MTMR3: variants seen among roughly 807,000 people sequenced by gnomAD.
MTMR3 encodes the protein phosphatidylinositol-3,5-bisphosphate 3-phosphatase MTMR3.
Under a neutral mutation model 132.4 loss-of-function variants are expected in MTMR3, and 32 were observed. The ratio of observed to expected loss-of-function variants is 0.24; its 90% confidence interval spans 0.18 to 0.32. The LOEUF (loss-of-function observed/expected upper bound fraction) is 0.32. MTMR3 is among the 10% of genes least tolerant of loss of function. The probability of loss-of-function intolerance (pLI) is 1.00; values close to 1 mark genes in which losing one functional copy is unlikely to be tolerated. For synonymous variants in MTMR3, 556 were observed against 550.3 expected (o/e 1.01, Z -0.14); for missense variants, 1,216 against 1,489.6 (o/e 0.82, Z 3.02).
At chr22:30,025,371 A>G in intron 19 of MTMR3, 1 of 519,270 alleles carries the variant, frequency 1.9e-6, no homozygotes, top group Non-Finnish European at 3.5e-6. Flanking sequence ...TCTTTTGTAT[A>G]CCTGAGCAGC....
At chr22:30,022,196 T>G (rs2067777182) in intron 18 of MTMR3, 57 bp downstream of exon 18, 1 of 1,386,950 alleles carries the variant, frequency 7.2e-7, no homozygotes, top group South Asian at 1.2e-5. Context: ...GTGGTTCTTC[T>G]CCACCCCCAT....
intron 3 of MTMR3, among the ~76,000 whole-genome samples, chr22:29,975,459 A>G (rs1303911713): frequency 6.6e-6 from 1 of 152,220 alleles, no homozygotes; most frequent in Non-Finnish European, 1.5e-5. Flanking sequence ...GTCCGTTACA[A>G]TGTTTTCTTT....
chr22:29,961,286 G>A (rs1167135676), intron 2 of MTMR3, among the ~76,000 whole-genome samples: 2 of 152,050 alleles, frequency 1.3e-5, no homozygotes, highest in South Asian at 2.1e-4. Context: ...TGGTTGTTGC[G>A]GCTTTTTTGG....
chr22:29,931,050 T>A (rs571038799), intron 1 of MTMR3, among the ~76,000 whole-genome samples: 1 of 151,586 alleles, frequency 6.6e-6, no homozygotes, highest in East Asian at 1.9e-4. Context: ...ATGACCTAAC[T>A]TTGAGAGTGG....
intron 1 of MTMR3, among the ~76,000 whole-genome samples, chr22:29,921,664 C>T (rs2065416295): frequency 6.6e-6 from 1 of 152,138 alleles, no homozygotes; most frequent in Admixed American, 6.5e-5. Flanking sequence ...TCTGTACTTA[C>T]TAAACACTAA....
chr22:29,923,989 T>C (rs1018355558), intron 1 of MTMR3, among the ~76,000 whole-genome samples: 1 of 152,220 alleles, frequency 6.6e-6, no homozygotes, highest in Non-Finnish European at 1.5e-5. Context: ...TTCTGTGAGT[T>C]GCCTTTTGTA....
rs2066367375 is a variant in MTMR3, at chr22:29,964,066, C to T, written c.-84-6910C>T. Among the ~76,000 whole-genome samples the T allele has an allele frequency of 5.3e-5, 8 of 152,128 alleles. No individual in the cohort carries two copies. In the South Asian group the frequency reaches 1.7e-3, roughly 31 times the overall value. ...CAGGCTATTTTTCAAAGAGGCTGCACTATTTTACATTCTCACTAGCAGAGT... is the reference window on the plus strand; with the variant it reads ...CAGGCTATTTTTCAAAGAGGCTGCATTATTTTACATTCTCACTAGCAGAGT... On this transcript the variant is annotated intron_variant, in intron 2 of 19. Transcript: ENST00000401950.
Position 30,022,659 on chromosome 22 carries a change from C to T in MTMR3, c.3387C>T (p.Asp1129=). 6.2e-7 allele frequency: 1 copy of T among 1,611,908 alleles called. No individual in the cohort carries two copies. Among genetic ancestry groups the T allele is most frequent in the Non-Finnish European group, 8.5e-7 (1 of 1,179,982 alleles). The part of the protein sequence containing the change: ...DHLAAHCYAC[D]SAFWLASRKH... ...TGGCCGCCCACTGCTATGCGTGCGA[C>T]AGTGCCTTCTGGCTTGCCAGCAGGA... Residue 1129 remains aspartate (D), a synonymous_variant, in exon 19 of 20, where the codon GAC becomes GAT. Coordinates refer to ENST00000401950, the MANE Select transcript of MTMR3 (RefSeq NM_021090.4).
intron 12 of MTMR3, 90 bp downstream of exon 12, chr22:30,009,219 A>G: frequency 1.1e-6 from 1 of 933,884 alleles, no homozygotes; most frequent in Middle Eastern, 2.2e-4. Context: ...AAAAGAAAAA[A>G]AAATTAATTT....
At chr22:29,885,035 G>T (rs376572779) in intron 1 of MTMR3, among the ~76,000 whole-genome samples, 1 of 152,108 alleles carries the variant, frequency 6.6e-6, no homozygotes, top group Admixed American at 6.6e-5. Context: ...GTACAGCCCC[G>T]CTTGTCGTTA....
chr22:29,982,845 A>AATT (rs1235146861), intron 5 of MTMR3: 1 of 152,072 alleles, frequency 6.6e-6, no homozygotes, highest in Non-Finnish European at 1.5e-5. Flanking sequence ...GCTTTTCCCA[A>AATT]ATTATTATAT....
intron 1 of MTMR3, among the ~76,000 whole-genome samples, chr22:29,940,262 C>T (rs538163870): frequency 4.6e-5 from 7 of 152,046 alleles, no homozygotes; most frequent in East Asian, 1.9e-4. Context: ...AGCGAGACTC[C>T]GTTTCAAAAG....
intron 5 of MTMR3, chr22:29,980,806 C>G (rs1461300105): frequency 6.6e-6 from 1 of 152,238 alleles, no homozygotes; most frequent in Non-Finnish European, 1.5e-5. Context: ...TGTCATTCAT[C>G]AGCTTAAAGC....
intron 1 of MTMR3, among the ~76,000 whole-genome samples, chr22:29,954,059 CTTTT>C (rs59781649): frequency 2.5e-4 from 20 of 79,434 alleles, no homozygotes; most frequent in Admixed American, 7.6e-4. Context: ...TCAAATGAGT[CTTTT>C]TTTTTTTTTT....
In MTMR3 at chr22:29,996,035, C is replaced by CT. The variant is rs1335558590; in HGVS notation, c.461-2725dup. Reference sequence around the variant, plus strand: ...ATGTTGTATTAGCTGGGCACAGTGTCTACCTATAGTCCTAGCTATTCAAGA... The same window carrying CT: ...ATGTTGTATTAGCTGGGCACAGTGTCTTACCTATAGTCCTAGCTATTCAAGA... On this transcript the variant is annotated intron_variant, in intron 7 of 19. Coordinates refer to ENST00000401950, the MANE Select transcript of MTMR3 (RefSeq NM_021090.4). The CT allele has an allele frequency of 2.6e-5, 4 of 152,322 alleles. No individual in the cohort carries two copies. The East Asian group carries it at 7.7e-4, about 29-fold the overall frequency. The allele number at this position is 152,322 out of a possible 1,614,324, so 9.4% of individuals were successfully genotyped here.
intron 1 of MTMR3, among the ~76,000 whole-genome samples, chr22:29,884,153 T>A (rs760902456): frequency 6.6e-6 from 1 of 152,220 alleles, no homozygotes; most frequent in South Asian, 2.1e-4. Context: ...GTTTTGGACA[T>A]GGACTGCTAT....
chr22:30,002,212 T>C (rs1332227425), intron 8 of MTMR3: 1 of 151,972 alleles, frequency 6.6e-6, no homozygotes, highest in Non-Finnish European at 1.5e-5. Context: ...TGTTCTGAAG[T>C]ATGTTTTATG....
At chr22:29,991,720 G>A in intron 7 of MTMR3, 50 bp downstream of exon 7, 5 of 1,496,598 alleles carry the variant, frequency 3.3e-6, no homozygotes, top group Non-Finnish European at 4.5e-6. Context: ...TCAAGCTACT[G>A]ATGGAGGTAC....
chr22:29,994,028 C>A (rs2067013553), intron 7 of MTMR3: 1 of 712,402 alleles, frequency 1.4e-6, no homozygotes, highest in Non-Finnish European at 1.7e-6. Flanking sequence ...TAAAGTGGGA[C>A]ATTCATGCTC....
Sources: gnomAD v4.1 joint callset for allele counts (sites outside exome capture counted in the v4.1 genomes callset) on GRCh38, gnomAD v4.1.1 for gene constraint, MANE v1.5 for transcripts, NCBI Gene and HGNC (gene_info 2026-07-23, HGNC 2026-07-21) for gene names.